Variants in NKAIN2 observed in about 807,000 individuals in gnomAD.
The protein encoded by NKAIN2 is sodium/potassium transporting ATPase interacting 2.
NKAIN2 carries 14 observed loss-of-function variants against 32.6 expected under a neutral mutation model. The ratio of observed to expected loss-of-function variants is 0.43; its 90% CI spans 0.28 to 0.67. The LOEUF is 0.67. Ranked by LOEUF, NKAIN2 falls within the 30% of genes least tolerant of loss-of-function variation. The probability of loss-of-function intolerance (pLI) is 0.17; values close to 1 mark genes in which losing one functional copy is unlikely to be tolerated. For missense variants in NKAIN2, 198 were observed against 258.3 expected (o/e 0.77, Z 1.60); for synonymous variants, 80 against 87.2 (o/e 0.92, Z 0.46).
Position 124,734,989 on chromosome 6 carries a change from G to A in NKAIN2, c.475-56350G>A, listed in dbSNP as rs145787878. ...TCTTCTTGCCTTCTCTACTGCTCTA[G>A]AAAGGTTAAATGTCATCAACATTAT... On this transcript the variant is annotated intron_variant, in intron 4 of 6. Transcript: ENST00000368417. 5.3e-5 allele frequency among the ~76,000 whole-genome samples: 8 copies of A among 151,894 alleles called. No individual in the cohort carries two copies. In the East Asian group the frequency reaches 1.6e-3, roughly 29 times the overall value.
chr6:124,370,252 A>G (rs1035821303), intron 3 of NKAIN2, among the ~76,000 whole-genome samples: 6 of 151,632 alleles, frequency 4.0e-5, no homozygotes, highest in African/African-American at 1.5e-4. Context: ...TGAGATTTGC[A>G]TGAAGAAATT....
At chr6:124,355,202 T>C in intron 2 of NKAIN2, 65 bp from the exon 3 acceptor site, 1 of 1,085,252 alleles carries the variant, frequency 9.2e-7, no homozygotes, top group Non-Finnish European at 1.4e-6. Flanking sequence ...AAGTTCGTTT[T>C]ATTTGAATCA....
chr6:123,961,283 C>T (rs1777837302), intron 1 of NKAIN2, among the ~76,000 whole-genome samples: 1 of 152,156 alleles, frequency 6.6e-6, no homozygotes, highest in Non-Finnish European at 1.5e-5. Context: ...TACCTAAAGC[C>T]TTTCTTGCTG....
At chr6:124,504,542 T>C (rs1350154852) in intron 3 of NKAIN2, among the ~76,000 whole-genome samples, 1 of 152,204 alleles carries the variant, frequency 6.6e-6, no homozygotes, top group Non-Finnish European at 1.5e-5. Context: ...TTATTGTTTC[T>C]CAACACTGAA....
chr6:124,509,956 A>G (rs753484658), intron 3 of NKAIN2, among the ~76,000 whole-genome samples: 11 of 152,204 alleles, frequency 7.2e-5, no homozygotes, highest in Admixed American at 2.6e-4. Context: ...TTCAGTCAGA[A>G]GAAATATTAT....
At chr6:124,265,215 G>C (rs1794438372) in intron 1 of NKAIN2, among the ~76,000 whole-genome samples, 1 of 151,826 alleles carries the variant, frequency 6.6e-6, no homozygotes, top group South Asian at 2.1e-4. Flanking sequence ...CTTTATGTTA[G>C]TTAAACTTTA....
intron 3 of NKAIN2, among the ~76,000 whole-genome samples, chr6:124,384,257 G>A (rs995133833): frequency 7.9e-5 from 12 of 152,044 alleles, no homozygotes; most frequent in African/African-American, 2.7e-4. Flanking sequence ...CTTATCACCC[G>A]ATATACCATG....
intron 4 of NKAIN2, among the ~76,000 whole-genome samples, chr6:124,714,965 CA>C (rs570971309): frequency 1.5e-3 from 224 of 152,274 alleles, no homozygotes; most frequent in African/African-American, 5.1e-3. Flanking sequence ...GGAGCCTTGC[CA>C]GCTGTCCCAG....
chr6:124,614,463 T>C (rs570758402), intron 3 of NKAIN2, among the ~76,000 whole-genome samples: 54 of 152,364 alleles, frequency 3.5e-4, no homozygotes, highest in African/African-American at 1.3e-3. Flanking sequence ...CATTTTTCTT[T>C]ATATCTTAAA....
chr6:123,978,515 C>T (rs561078343), intron 1 of NKAIN2, among the ~76,000 whole-genome samples: 1 of 152,288 alleles, frequency 6.6e-6, no homozygotes, highest in African/African-American at 2.4e-5. Context: ...ATCCTAACCA[C>T]CTGTGCTGAT....
At chr6:123,871,823 T>C (rs139219305) in intron 1 of NKAIN2, among the ~76,000 whole-genome samples, 12 of 152,344 alleles carry the variant, frequency 7.9e-5, no homozygotes, top group Admixed American at 6.5e-4. Flanking sequence ...CATATAAATA[T>C]TCATTCATTG....
chr6:124,711,803 C>T (rs1266062222), intron 4 of NKAIN2, among the ~76,000 whole-genome samples: 2 of 152,142 alleles, frequency 1.3e-5, no homozygotes, highest in Non-Finnish European at 2.9e-5. Flanking sequence ...TTGTCTGAAG[C>T]CTTCTTCTCT....
chr6:124,515,706 G>T lies in NKAIN2; in HGVS notation c.274-142480G>T, dbSNP rs567432974. ...GCACTTCCCTACTTCATTTTTCTTC[G>T]CTTTCTCTCCGTCTCGCTCTGTCGC... On this transcript the variant is annotated intron_variant, in intron 3 of 6. Transcript: ENST00000368417. Among the ~76,000 whole-genome samples, 10 of 3,648 alleles carry T rather than the reference G, an allele frequency of 2.7e-3. No homozygotes were observed. In the Non-Finnish European group the frequency reaches 0.077, roughly 28 times the overall value. The allele number at this position is 3,648 out of a possible 152,430, so 2.4% of individuals were successfully genotyped here. A position where few individuals can be genotyped will look rare whatever the true frequency, so the allele number is the denominator to read the frequency against.
intron 4 of NKAIN2, among the ~76,000 whole-genome samples, chr6:124,719,075 A>C (rs2114626814): frequency 6.6e-6 from 1 of 152,302 alleles, no homozygotes; most frequent in East Asian, 1.9e-4. Context: ...TAATTTATTG[A>C]TATAAAAGAA....
At chr6:123,972,687 A>C (rs1778395793) in intron 1 of NKAIN2, among the ~76,000 whole-genome samples, 1 of 152,166 alleles carries the variant, frequency 6.6e-6, no homozygotes, top group African/African-American at 2.4e-5. Context: ...TACTCAAAAA[A>C]TAGCCATCAA....
intron 3 of NKAIN2, among the ~76,000 whole-genome samples, chr6:124,426,714 T>C (rs1774995860): frequency 6.6e-6 from 1 of 152,198 alleles, no homozygotes; most frequent in Non-Finnish European, 1.5e-5. Context: ...CCCACCCAAA[T>C]CTCATCTTGA....
Position 124,560,285 on chromosome 6 carries a change from T to C in NKAIN2, c.274-97901T>C, listed in dbSNP as rs545914574. Among the ~76,000 whole-genome samples the C allele has an allele frequency of 1.2e-4, 19 of 152,286 alleles. No homozygotes were observed. In the South Asian group the frequency reaches 3.9e-3, roughly 32 times the overall value. ...GGTTTTATAAGGGACTTTTCCCCTT[T>C]TGCTTGGCACTTCTCCTTTCTGCCA... On this transcript the variant is annotated intron_variant, in intron 3 of 6. Transcript: ENST00000368417.
At chr6:123,951,681 A>G (rs1182718660) in intron 1 of NKAIN2, among the ~76,000 whole-genome samples, 1 of 151,666 alleles carries the variant, frequency 6.6e-6, no homozygotes, top group Admixed American at 6.6e-5. Context: ...CTTTTTTTGT[A>G]GGCAGCATAC....
chr6:124,145,798 C>A (rs914703300), intron 1 of NKAIN2, among the ~76,000 whole-genome samples: 2 of 152,064 alleles, frequency 1.3e-5, no homozygotes, highest in African/African-American at 4.8e-5. Flanking sequence ...GACCACCAAG[C>A]CTGGCCTGAC....
Sources: gnomAD v4.1 joint callset for allele counts (sites outside exome capture counted in the v4.1 genomes callset) on GRCh38, gnomAD v4.1.1 for gene constraint, MANE v1.5 for transcripts, NCBI Gene and HGNC (gene_info 2026-07-23, HGNC 2026-07-21) for gene names.